The following RIT2 variants were observed in gnomAD, a reference collection of about 807,000 sequenced individuals.
RIT2 encodes the protein Ras like without CAAX 2.
In RIT2, 24 loss-of-function variants were observed where a neutral mutation model predicts 23.7. The observed-to-expected ratio is 1.01, with a 90% confidence interval of 0.73 to 1.43. The LOEUF is 1.43. Ranked by LOEUF, RIT2 falls within the 40% of genes most tolerant of loss-of-function variation. RIT2 has a pLI of 0.00. For synonymous variants in RIT2, 107 were observed against 91.1 expected (o/e 1.17, Z -0.99); for missense variants, 236 against 266.9 (o/e 0.88, Z 0.81).
intron 4 of RIT2, among the ~76,000 whole-genome samples, chr18:42,898,395 ACAAAATCAACAACAAAAAAGAGAAGT>A (rs1908388309): frequency 6.6e-6 from 1 of 152,116 alleles, no homozygotes; most frequent in South Asian, 2.1e-4. Flanking sequence ...CTGTCCCAAA[ACAAAATCAACAACAAAAAAGAGAAGT>A]GTGGGCAATT....
At chr18:42,976,535 G>A (rs904496399) in intron 2 of RIT2, among the ~76,000 whole-genome samples, 1 of 152,022 alleles carries the variant, frequency 6.6e-6, no homozygotes, top group African/African-American at 2.4e-5. Flanking sequence ...CTCTCTAAAA[G>A]GTAGATGTCT....
chr18:42,872,905 C>T (rs767567526), intron 4 of RIT2, among the ~76,000 whole-genome samples: 1 of 152,084 alleles, frequency 6.6e-6, no homozygotes, highest in African/African-American at 2.4e-5. Context: ...TGGAACATCA[C>T]ACAATCCAAT....
At chr18:42,863,967 A>T (rs776376719) in intron 4 of RIT2, among the ~76,000 whole-genome samples, 2 of 152,114 alleles carry the variant, frequency 1.3e-5, no homozygotes, top group African/African-American at 2.4e-5. Context: ...AACAATGATG[A>T]GATATCATTA....
chr18:42,963,992 C>T (rs1033666956), intron 3 of RIT2, among the ~76,000 whole-genome samples: 6 of 151,312 alleles, frequency 4.0e-5, no homozygotes, highest in African/African-American at 1.5e-4. Flanking sequence ...GAGTTCGAGA[C>T]CAGCCTGGCC....
intron 4 of RIT2, among the ~76,000 whole-genome samples, chr18:42,835,094 T>A (rs1027234066): frequency 9.2e-5 from 14 of 152,196 alleles, no homozygotes; most frequent in Non-Finnish European, 1.9e-4. Flanking sequence ...GTTTCACTTT[T>A]AACTATTTCT....
At chr18:43,001,181 T>C (rs990605249) in intron 2 of RIT2, among the ~76,000 whole-genome samples, 2 of 151,974 alleles carry the variant, frequency 1.3e-5, no homozygotes, top group African/African-American at 4.8e-5. Flanking sequence ...GAGTCATTTT[T>C]GGATTTGAAG....
intron 1 of RIT2, among the ~76,000 whole-genome samples, chr18:43,042,801 T>A (rs1009381473): frequency 5.3e-5 from 8 of 152,200 alleles, no homozygotes; most frequent in Admixed American, 5.2e-4. Flanking sequence ...ACACACACAT[T>A]TGCTTACACA....
At chr18:43,009,078 C>T (rs909600582) in intron 2 of RIT2, among the ~76,000 whole-genome samples, 4 of 151,542 alleles carry the variant, frequency 2.6e-5, no homozygotes, top group African/African-American at 9.7e-5. Context: ...AAGTAGTAAA[C>T]ACCTTAAATA....
rs777286720 is a variant in RIT2, at chr18:43,017,609, C to A, written c.160+16202G>T. Among the ~76,000 whole-genome samples, 278 of 151,900 alleles carry A rather than the reference C, an allele frequency of 1.8e-3. 2 individuals are homozygous for A. Among genetic ancestry groups the A allele is most frequent in the Non-Finnish European group, 3.4e-3 (228 of 67,944 alleles). ...ACATTGTTTTTATTACATTACTTAG[C>A]AGTAGTAGTTAGTATTTAGAATTAG... On this transcript the variant is annotated intron_variant, in intron 2 of 4. Coordinates refer to ENST00000326695, the MANE Select transcript of RIT2 (RefSeq NM_002930.4).
chr18:42,913,539 C>A (rs922655499), intron 4 of RIT2, among the ~76,000 whole-genome samples: 1 of 150,790 alleles, frequency 6.6e-6, no homozygotes, highest in Non-Finnish European at 1.5e-5. Context: ...AAAAAAGAAA[C>A]AATCCAACCA....
chr18:42,837,400 C>CTCATGATCCGCCCGACT (rs1171214746), intron 4 of RIT2, among the ~76,000 whole-genome samples: 2 of 151,658 alleles, frequency 1.3e-5, no homozygotes, highest in Non-Finnish European at 2.9e-5. Context: ...ATCTCCTGAC[C>CTCATGATCCGCCCGACT]TCATGATCCG....
chr18:42,867,829 C>T (rs8090204), intron 4 of RIT2, among the ~76,000 whole-genome samples: 3,882 of 152,176 alleles, frequency 0.026, 162 homozygotes, highest in African/African-American at 0.086. Flanking sequence ...ACTTCCTTCA[C>T]GATTCTCAGC....
intron 1 of RIT2, 73 bp downstream of exon 1, chr18:43,115,344 C>T (rs1914043158): frequency 6.4e-7 from 1 of 1,571,398 alleles, no homozygotes; most frequent in Non-Finnish European, 8.7e-7. Context: ...TCAGCAATAT[C>T]ATTTTTCTTT....
chr18:42,923,764 CTGCAGG>C lies in RIT2; in HGVS notation c.235-7_235-2del. The stretch of plus-strand genomic sequence containing the variant: ...GCTCCCGCATGGCTGTGAATTCTGC[CTGCAGG>C]AAAAAAAAAAAAAAATTAGTTATGG... On this transcript the variant is annotated splice_acceptor_variant and splice_polypyrimidine_tract_variant and intron_variant, in intron 3 of 4. Transcript: ENST00000326695. LOFTEE classifies it high-confidence loss of function. The C allele has an allele frequency of 6.4e-7, 1 of 1,551,904 alleles. No individual in the cohort carries two copies. The highest frequency in any genetic ancestry group is 2.1e-5 in the Admixed American group (1 of 47,746).
rs1305306166 is a variant in RIT2 at position 42,961,260 on chromosome 18, CT to C, written c.234+12813del. 3.3e-5 allele frequency among the ~76,000 whole-genome samples: 5 copies of C among 152,276 alleles called. No homozygotes were observed. In the East Asian group the frequency reaches 9.6e-4, roughly 29 times the overall value. ...TGAAGTGACACAAATTCTACATTGTCTTTTCATCTCTGAGTTTAATAAATAT... is the reference window on the plus strand; with the variant it reads ...TGAAGTGACACAAATTCTACATTGTCTTTCATCTCTGAGTTTAATAAATAT... On this transcript the variant is annotated intron_variant, in intron 3 of 4. Transcript: ENST00000326695.
intron 1 of RIT2, among the ~76,000 whole-genome samples, chr18:43,110,302 A>G (rs919108937): frequency 2.0e-5 from 3 of 152,076 alleles, no homozygotes; most frequent in Non-Finnish European, 4.4e-5. Context: ...ATAAAAACCT[A>G]CTAACTTAGA....
At chr18:42,975,326 T>C (rs2084603304) in intron 2 of RIT2, among the ~76,000 whole-genome samples, 2 of 152,148 alleles carry the variant, frequency 1.3e-5, no homozygotes, top group South Asian at 2.1e-4. Flanking sequence ...ATCACACTTA[T>C]TGATTTGTAT....
chr18:43,055,490 G>T (rs546444927), intron 1 of RIT2, among the ~76,000 whole-genome samples: 37 of 152,102 alleles, frequency 2.4e-4, no homozygotes, highest in Middle Eastern at 3.4e-3. Flanking sequence ...TCAAAAGAGG[G>T]TGCCCATGAT....
chr18:42,956,521 C>T (rs1293063036), intron 3 of RIT2, among the ~76,000 whole-genome samples: 3 of 152,082 alleles, frequency 2.0e-5, no homozygotes, highest in East Asian at 1.9e-4. Flanking sequence ...TGCTCCATTT[C>T]GTCGGTTTGA....
Sources: allele counts gnomAD v4.1 joint callset (sites outside exome capture counted in the v4.1 genomes callset), GRCh38; gene constraint gnomAD v4.1.1; transcripts MANE v1.5; gene names NCBI Gene and HGNC (gene_info 2026-07-23, HGNC 2026-07-21).